The following MAP3K15 variants were observed in gnomAD, a reference collection of about 807,000 sequenced individuals.
MAP3K15 encodes mitogen-activated protein kinase kinase kinase 15.
Under a neutral mutation model 99.5 loss-of-function variants are expected in MAP3K15, and 124 were observed. The observed-to-expected ratio is 1.25, with a 90% CI of 1.08 to 1.45. The LOEUF (loss-of-function observed/expected upper bound fraction) is 1.45, where lower values mean the gene tolerates loss of function less well. MAP3K15 is among the 40% of genes most tolerant of loss of function. MAP3K15 has a pLI of 0.00. For missense variants in MAP3K15, 1,242 were observed against 1,079.7 expected (o/e 1.15, Z -2.11); for synonymous variants, 494 against 439.6 (o/e 1.12, Z -1.55).
At chrX:19,455,608 C>T (rs2064087670) in intron 6 of MAP3K15, among the ~76,000 whole-genome samples, 1 of 102,518 alleles carries the variant, frequency 9.8e-6, no homozygotes, top group Admixed American at 1.1e-4. Context: ...GATCTGCCCG[C>T]CTCGGCCTCC....
intron 1 of MAP3K15, among the ~76,000 whole-genome samples, chrX:19,501,200 T>C (rs2064438082): frequency 9.0e-6 from 1 of 111,576 alleles, no homozygotes; most frequent in South Asian, 3.8e-4. Context: ...GCCTGGCCAC[T>C]CTCTCCAGCA....
At chrX:19,369,268 G>A (rs1469558315) in intron 24 of MAP3K15, 49 bp from the exon 25 acceptor site, 21 of 1,200,312 alleles carry the variant, frequency 1.7e-5, no homozygotes, top group Non-Finnish European at 2.3e-5. Context: ...AGGCCAGTGG[G>A]GCCTGGGGTC....
At chrX:19,392,145 G>T (rs1333692907) in intron 17 of MAP3K15, 38 bp from the exon 18 acceptor site, 1 of 1,112,923 alleles carries the variant, frequency 9.0e-7, no homozygotes, top group Non-Finnish European at 1.2e-6. Flanking sequence ...TAAAAGACAG[G>T]CTGAAACGAA....
At position 19,443,012 on chromosome X, in the gene MAP3K15, C is replaced by A. The variant is rs759048564; in HGVS notation, c.996-11404G>T. ...GTGCTGGGATGACAGGCATGAGCCA[C>A]CATGCCCGGCTTTTTTTTTTTTTTT... On this transcript the variant is annotated intron_variant, in intron 6 of 28. Coordinates refer to ENST00000338883, the MANE Select transcript of MAP3K15 (RefSeq NM_001001671.4). 4.2e-3 allele frequency among the ~76,000 whole-genome samples: 337 copies of A among 80,435 alleles called. 8 individuals are homozygous for A. The highest frequency in any genetic ancestry group is 0.014 in the African/African-American group (318 of 22,102). The allele number at this position is 80,435 out of a possible 115,157, so 69.8% of individuals were successfully genotyped here.
intron 3 of MAP3K15, among the ~76,000 whole-genome samples, chrX:19,464,620 T>C (rs759737029): frequency 1.8e-5 from 2 of 111,651 alleles, no homozygotes; most frequent in South Asian, 7.5e-4. Flanking sequence ...TGGTTTCAAA[T>C]ACTGAACTGA....
At chrX:19,437,014 C>A (rs1167380086) in intron 6 of MAP3K15, among the ~76,000 whole-genome samples, 2 of 112,084 alleles carry the variant, frequency 1.8e-5, no homozygotes, top group Non-Finnish European at 3.8e-5. Context: ...CAAACCTGTT[C>A]TTCTACAGTC....
At chrX:19,506,058 G>A (rs779076168) in intron 1 of MAP3K15, among the ~76,000 whole-genome samples, 39 of 110,444 alleles carry the variant, frequency 3.5e-4, no homozygotes, top group African/African-American at 1.0e-3. Flanking sequence ...TCAGTCTCCC[G>A]AGTAGCTGGG....
Position 19,394,837 on chromosome X carries a change from A to ATTTTTTTTT in MAP3K15, c.2194+243_2194+244insAAAAAAAAA, listed in dbSNP as rs1481087841. Among the ~76,000 whole-genome samples the ATTTTTTTTT allele has an allele frequency of 4.3e-5, 2 of 46,801 alleles. 1 individual carries two copies. The highest frequency in any genetic ancestry group is 2.9e-4 in the African/African-American group (2 of 6,881). The allele number at this position is 46,801 out of a possible 115,157, so 40.6% of individuals were successfully genotyped here. On this transcript the variant is annotated intron_variant, in intron 16 of 28. Transcript: ENST00000338883. ...TTTTTTTTTTTTTTTTTTTTTTTTA[A>ATTTTTTTTT]AAAGAGTGATGGGTTTTGCTCTGTC...
intron 6 of MAP3K15, among the ~76,000 whole-genome samples, chrX:19,451,914 C>G (rs1602319671): frequency 9.3e-6 from 1 of 107,888 alleles, no homozygotes; most frequent in African/African-American, 3.4e-5. Context: ...AAAACATTCG[C>G]CAGGTGTGGT....
At chrX:19,460,178 C>G (rs1169002444) in intron 4 of MAP3K15, 25 bp from the exon 5 acceptor site, 1 of 1,115,145 alleles carries the variant, frequency 9.0e-7, no homozygotes, top group African/African-American at 1.8e-5. Flanking sequence ...ACACAAAATC[C>G]TCCAGTCACA....
rs15816 is a variant in MAP3K15, at chrX:19,360,712, G to C, written c.*37C>G. Reference sequence around the variant, plus strand: ...CAGAAGCTTTAACAAAACATGTAGCGTGGTGGGACACTCTGCCACAGCTTA... The same window carrying C: ...CAGAAGCTTTAACAAAACATGTAGCCTGGTGGGACACTCTGCCACAGCTTA... On this transcript the variant is annotated 3_prime_UTR_variant, in exon 29 of 29. Transcript: ENST00000338883. The C allele has an allele frequency of 1.9e-6, 2 of 1,050,660 alleles. No individual in the cohort carries two copies. 86.6% of individuals were successfully genotyped at this position (1,050,660 alleles called of 1,213,427 possible). A position where few individuals can be genotyped will look rare whatever the true frequency, so the allele number is the denominator to read the frequency against.
intron 6 of MAP3K15, among the ~76,000 whole-genome samples, chrX:19,452,061 A>G (rs1479964136): frequency 7.5e-3 from 1 of 133 alleles, no homozygotes; most frequent in Non-Finnish European, 0.034. Flanking sequence ...TCTGTCAGAG[A>G]AGAGAAGAGA....
In MAP3K15 at chrX:19,456,915, A is replaced by G; in HGVS notation, c.993T>C (p.Asn331=). The change falls in exon 6 of 29, where the codon AAT becomes AAC. Residue 331 remains asparagine, a splice_region_variant and synonymous_variant. Coordinates refer to ENST00000338883, the MANE Select transcript of MAP3K15 (RefSeq NM_001001671.4). ...NIKFHYAFAL[N]RRNSTGDREK... is the part of the protein sequence containing the mutation. ...TGTACGTACATTATCGTTCTTACCT[A>G]TTCAGTGCAAACGCATAGTGGAATT... 8.5e-7 allele frequency: 1 copy of G among 1,178,772 alleles called. No individual in the cohort carries two copies. Among genetic ancestry groups the G allele is most frequent in the East Asian group, 3.0e-5 (1 of 33,696 alleles).
chrX:19,366,967 A>G (rs1267076929), intron 25 of MAP3K15, among the ~76,000 whole-genome samples: 1 of 111,824 alleles, frequency 8.9e-6, no homozygotes, highest in East Asian at 2.8e-4. Context: ...TTATTGGGTG[A>G]CCCAGCAACC....
intron 9 of MAP3K15, among the ~76,000 whole-genome samples, chrX:19,418,790 G>A (rs1363378851): frequency 2.7e-5 from 3 of 111,839 alleles, no homozygotes; most frequent in Admixed American, 9.5e-5. Context: ...GCCAGAGAGA[G>A]AGGTCAGGTT....
At chrX:19,418,707 G>A (rs1350544604) in intron 9 of MAP3K15, among the ~76,000 whole-genome samples, 2 of 109,352 alleles carry the variant, frequency 1.8e-5, no homozygotes, top group Admixed American at 9.7e-5. Flanking sequence ...GATACTCCTC[G>A]AGAAGAGCAA....
At chrX:19,401,270 A>G (rs923383639) in intron 13 of MAP3K15, among the ~76,000 whole-genome samples, 4 of 109,537 alleles carry the variant, frequency 3.7e-5, no homozygotes, top group East Asian at 2.9e-4. Context: ...TCACAGCTCA[A>G]TGCAGCCTCA....
intron 13 of MAP3K15, among the ~76,000 whole-genome samples, chrX:19,401,461 T>C (rs1257109107): frequency 3.6e-5 from 4 of 111,552 alleles, no homozygotes; most frequent in Admixed American, 2.9e-4. Flanking sequence ...CCTCCGAAAG[T>C]GTTGGGAGGC....
chrX:19,447,018 C>T lies in MAP3K15; in HGVS notation c.995+9895G>A, dbSNP rs191684492. ...GCAGCCTTGACCTCCTGGGCTCATG[C>T]GCTACTCCTGCCTCAGTCTCCTGAG... On this transcript the variant is annotated intron_variant, in intron 6 of 28. Coordinates refer to ENST00000338883, the MANE Select transcript of MAP3K15 (RefSeq NM_001001671.4). Among the ~76,000 whole-genome samples the T allele has an allele frequency of 1.8e-4, 20 of 110,916 alleles. 1 individual carries two copies. The East Asian group carries it at 4.8e-3, about 27-fold the overall frequency.
Sources: gnomAD v4.1 joint callset for allele counts (sites outside exome capture counted in the v4.1 genomes callset) on GRCh38, gnomAD v4.1.1 for gene constraint, MANE v1.5 for transcripts, NCBI Gene and HGNC (gene_info 2026-07-23, HGNC 2026-07-21) for gene names.